SND1: variants seen among roughly 807,000 people sequenced by gnomAD.
SND1 encodes staphylococcal nuclease domain-containing protein 1.
Under a neutral mutation model 121.7 loss-of-function variants are expected in SND1, and 38 were observed. The ratio of observed to expected loss-of-function variants is 0.31; its 90% CI spans 0.24 to 0.41. The LOEUF is 0.41. Ranked by LOEUF, SND1 falls within the 10% of genes least tolerant of loss-of-function variation. The pLI is 1.00. For missense variants in SND1, 868 were observed against 1,184.6 expected, an observed-to-expected ratio of 0.73 and a Z score of 3.92; for synonymous variants, 401 against 447.4, an observed-to-expected ratio of 0.90 and a Z score of 1.31.
chr7:127,661,784 G>C (rs912833644), intron 1 of SND1, among the ~76,000 whole-genome samples: 1 of 152,004 alleles, frequency 6.6e-6, no homozygotes, highest in Non-Finnish European at 1.5e-5. Context: ...TCAACTTGCT[G>C]TTAAAATTTC....
chr7:127,688,734 A>T (rs953404786), intron 2 of SND1, among the ~76,000 whole-genome samples: 18 of 140,996 alleles, frequency 1.3e-4, no homozygotes, highest in Admixed American at 8.5e-4. Flanking sequence ...AAAAAATAAT[A>T]AAAAAAAAAA....
At chr7:127,942,995 A>C (rs183599024) in intron 15 of SND1, among the ~76,000 whole-genome samples, 191 of 152,260 alleles carry the variant, frequency 1.3e-3, no homozygotes, top group Admixed American at 2.7e-3. Flanking sequence ...ATTTCATGCT[A>C]TGAGGTTGGC....
chr7:127,829,433 T>C (rs1798700057), intron 11 of SND1, among the ~76,000 whole-genome samples: 2 of 152,184 alleles, frequency 1.3e-5, no homozygotes, highest in Non-Finnish European at 2.9e-5. Flanking sequence ...TGGTTGAGGT[T>C]CTCTGAAGTG....
chr7:128,016,490 G>A (rs1021048996), intron 16 of SND1, among the ~76,000 whole-genome samples: 2 of 152,158 alleles, frequency 1.3e-5, no homozygotes, highest in Non-Finnish European at 2.9e-5. Context: ...CAGTCGTTTG[G>A]TGAGCTCTCA....
At chr7:127,731,691 G>A (rs1308606244) in intron 10 of SND1, among the ~76,000 whole-genome samples, 1 of 152,180 alleles carries the variant, frequency 6.6e-6, no homozygotes, top group East Asian at 1.9e-4. Flanking sequence ...CACTGTCAGA[G>A]TTCAGGAGAA....
At chr7:127,699,767 C>T (rs1158186378) in intron 4 of SND1, among the ~76,000 whole-genome samples, 1 of 152,140 alleles carries the variant, frequency 6.6e-6, no homozygotes, top group African/African-American at 2.4e-5. Context: ...TATAATAATG[C>T]TGTTTTATAT....
At chr7:127,747,242 TA>T (rs1796998424) in intron 10 of SND1, among the ~76,000 whole-genome samples, 1 of 152,204 alleles carries the variant, frequency 6.6e-6, no homozygotes, top group Non-Finnish European at 1.5e-5. Flanking sequence ...TGGTGTGCCC[TA>T]TCATTAAATG....
At chr7:128,001,730 A>G (rs1422275845) in intron 16 of SND1, among the ~76,000 whole-genome samples, 1 of 152,178 alleles carries the variant, frequency 6.6e-6, no homozygotes, top group African/African-American at 2.4e-5. Flanking sequence ...TCGGGAGTTC[A>G]AGACCAACCT....
chr7:127,916,843 T>C (rs956155652), intron 14 of SND1, among the ~76,000 whole-genome samples: 1 of 152,176 alleles, frequency 6.6e-6, no homozygotes, highest in Non-Finnish European at 1.5e-5. Context: ...AAGCTAGATA[T>C]CTTCCCACCT....
chr7:127,857,763 C>A, intron 12 of SND1: 2 of 637,406 alleles, frequency 3.1e-6, no homozygotes, highest in Non-Finnish European at 5.7e-6. Flanking sequence ...AAATGGCCTC[C>A]AACTTCCTCA....
At chr7:128,014,379 T>A (rs1415281370) in intron 16 of SND1, among the ~76,000 whole-genome samples, 1 of 134,886 alleles carries the variant, frequency 7.4e-6, no homozygotes, top group African/African-American at 2.8e-5. Flanking sequence ...GTATTTGATA[T>A]AGCATCTAGA....
chr7:127,850,281 CAA>C (rs1342884973), intron 12 of SND1, among the ~76,000 whole-genome samples: 1 of 152,114 alleles, frequency 6.6e-6, no homozygotes, highest in African/African-American at 2.4e-5. Flanking sequence ...CACTGTCAGC[CAA>C]ACCTCCTATC....
chr7:128,017,011 T>C (rs938080300), intron 16 of SND1, among the ~76,000 whole-genome samples: 1 of 152,208 alleles, frequency 6.6e-6, no homozygotes, highest in Non-Finnish European at 1.5e-5. Context: ...GTCCTTAAAG[T>C]AACCATCAGA....
At chr7:127,718,494 G>A (rs1796428414) in intron 9 of SND1, 1 of 805,216 alleles carries the variant, frequency 1.2e-6, no homozygotes, top group Non-Finnish European at 1.5e-6. Flanking sequence ...ACGCGGACAC[G>A]CACGCATGCA....
intron 10 of SND1, among the ~76,000 whole-genome samples, chr7:127,786,367 C>A (rs1286360034): frequency 6.6e-6 from 1 of 152,162 alleles, no homozygotes; most frequent in Non-Finnish European, 1.5e-5. Flanking sequence ...ATCTGGATTA[C>A]TGAGCATGAC....
chr7:128,089,399 G>A (rs1207482693), intron 21 of SND1, 90 bp from the exon 22 acceptor site: 14 of 1,321,072 alleles, frequency 1.1e-5, no homozygotes, highest in Non-Finnish European at 1.5e-5. Context: ...GCCCCTGCTG[G>A]CCAGACTTTC....
At chr7:127,882,429 G>GA (rs1355608052) in intron 12 of SND1, among the ~76,000 whole-genome samples, 34 of 99,522 alleles carry the variant, frequency 3.4e-4, no homozygotes, top group Non-Finnish European at 5.7e-4. Flanking sequence ...AGGAGAGGAG[G>GA]GGAGGGGAGG....
rs200804366 is a variant in SND1 at position 128,029,569 on chromosome 7, C to T, written c.1779+38513C>T. On this transcript the variant is annotated intron_variant, in intron 16 of 23. Transcript: ENST00000354725. The surrounding 1 kb of genome is among the most constrained non-coding windows in gnomAD (Gnocchi z 4.2). ...TCAGAAATGTTGAGGTCTCGAGGTG[C>T]GTCCATGATGAAGGGGGCAGAGCAC... is the stretch of plus-strand genomic sequence containing the variant. 2.2e-5 allele frequency: 36 copies of T among 1,613,844 alleles called. No homozygotes were observed. In the South Asian group the frequency reaches 3.3e-4, roughly 15 times the overall value.
intron 13 of SND1, among the ~76,000 whole-genome samples, chr7:127,894,193 A>G (rs1420861404): frequency 6.6e-6 from 1 of 152,028 alleles, no homozygotes; most frequent in Non-Finnish European, 1.5e-5. Flanking sequence ...TGGGCTTTCT[A>G]AGTTCCATAT....
Sources: allele counts gnomAD v4.1 joint callset (sites outside exome capture counted in the v4.1 genomes callset), GRCh38; gene constraint gnomAD v4.1.1; non-coding constraint Gnocchi (gnomAD v3.1); transcripts MANE v1.5; gene names NCBI Gene and HGNC (gene_info 2026-07-23, HGNC 2026-07-21).